MAN1B1: variants seen among roughly 807,000 people sequenced by gnomAD.
MAN1B1 encodes endoplasmic reticulum mannosyl-oligosaccharide 1,2-alpha-mannosidase.
In MAN1B1, 66 loss-of-function variants were observed where a neutral mutation model predicts 75.5. That is an observed-to-expected ratio of 0.87 (90% CI 0.72 to 1.07). The LOEUF is 1.07. Ranked by LOEUF, MAN1B1 falls within the 50% of genes least tolerant of loss-of-function variation. The pLI is 0.00. For missense variants in MAN1B1, 973 were observed against 912.5 expected (o/e 1.07, Z -0.85); for synonymous variants, 453 against 382.8 (o/e 1.18, Z -2.14).
At chr9:137,087,911 G>T (rs1488973050) in intron 1 of MAN1B1, among the ~76,000 whole-genome samples, 164 bp from the exon 2 acceptor site, 3 of 151,824 alleles carry the variant, frequency 2.0e-5, no homozygotes, top group African/African-American at 7.3e-5. Context: ...CTACACTCCA[G>T]CCTAGGTGTA....
In MAN1B1 at chr9:137,108,518, C is replaced by G; in HGVS notation, c.2027C>G (p.Pro676Arg). ...KYLFLLFSDDPNLLSLDAYVF... is the reference protein window; with the variant it reads ...KYLFLLFSDDRNLLSLDAYVF... ...CTGTTCTTGCTCTTCTCCGATGACC[C>G]AAACCTGCTCAGCCTGGATGCCTAC... Residue 676 changes from proline (P) to arginine (R), a missense_variant, in exon 13 of 13, where the codon CCA becomes CGA. Coordinates refer to ENST00000371589, the MANE Select transcript of MAN1B1 (RefSeq NM_016219.5). The G allele has an allele frequency of 2.5e-6, 4 of 1,614,004 alleles. No individual in the cohort carries two copies. The highest frequency in any genetic ancestry group is 2.5e-6 in the Non-Finnish European group (3 of 1,180,024).
At chr9:137,103,527 G>C in intron 8 of MAN1B1, 1 of 450,498 alleles carries the variant, frequency 2.2e-6, no homozygotes, top group East Asian at 7.2e-5. Context: ...GGCCGGTGGT[G>C]TTACATTCAC....
intron 5 of MAN1B1, among the ~76,000 whole-genome samples, chr9:137,098,189 G>A (rs1490598567): frequency 6.6e-6 from 1 of 152,244 alleles, no homozygotes; most frequent in African/African-American, 2.4e-5. Context: ...GGGCCAGGCT[G>A]CCCCACGGGA....
chr9:137,089,134 G>C, intron 3 of MAN1B1, 129 bp downstream of exon 3: 1 of 1,193,578 alleles, frequency 8.4e-7, no homozygotes, highest in South Asian at 1.2e-5. Context: ...TCTCGTTTTG[G>C]ACTGGTCGGA....
intron 3 of MAN1B1, 31 bp from the exon 4 acceptor site, chr9:137,096,206 G>C (rs200805911): frequency 1.9e-6 from 3 of 1,613,910 alleles, no homozygotes; most frequent in Non-Finnish European, 1.7e-6. Flanking sequence ...CAGACACCCC[G>C]TGATTTCCTG....
rs1830613421 is a variant in MAN1B1 at position 137,094,832 on chromosome 9, A to G, written c.466-1405A>G. ...GAGGCAGAGGTTGCAGTGAGCCAAG[A>G]TCACGCCACTGCACTCCTGCCTGGG... On this transcript the variant is annotated intron_variant, in intron 3 of 12. Transcript: ENST00000371589. Among the ~76,000 whole-genome samples the G allele has an allele frequency of 2.6e-5, 4 of 151,590 alleles. No individual in the cohort carries two copies. In the South Asian group the frequency reaches 8.3e-4, roughly 32 times the overall value.
chr9:137,087,956 A>G, intron 1 of MAN1B1, 119 bp from the exon 2 acceptor site: 1 of 876,222 alleles, frequency 1.1e-6, no homozygotes, highest in African/African-American at 1.7e-5. Context: ...AAAAAAAAGA[A>G]ATAGAGCTGA....
chr9:137,094,394 C>T (rs958575281), intron 3 of MAN1B1: 4 of 501,430 alleles, frequency 8.0e-6, no homozygotes, highest in Admixed American at 3.9e-5. Flanking sequence ...ACTGTGGACT[C>T]AATAGCAGGG....
At chr9:137,107,924 G>A (rs559084520) in intron 12 of MAN1B1, 82 of 649,134 alleles carry the variant, frequency 1.3e-4, no homozygotes, top group South Asian at 2.0e-4. Flanking sequence ...CCTGTCTAGG[G>A]AGGGTCTCTG....
At chr9:137,103,293 G>GCT in intron 8 of MAN1B1, 1 of 432,938 alleles carries the variant, frequency 2.3e-6, no homozygotes, top group Admixed American at 2.5e-5. Flanking sequence ...GCAGGTCGGT[G>GCT]GTACATTCAT....
rs61545361 is a variant in MAN1B1, at chr9:137,108,748, C to G, written c.*157C>G. 5.6e-3 allele frequency: 4,222 copies of G among 754,098 alleles called. 123 individuals carry two copies. In the African/African-American group the frequency reaches 0.064, roughly 11 times the overall value. 46.7% of individuals were successfully genotyped at this position (754,098 alleles called of 1,614,324 possible). ...CCTCGTCTCTGCTTTAATCAGGACA[C>G]CGTGAGGACAAGTGAGGCCGTCAGT... On this transcript the variant is annotated 3_prime_UTR_variant, in exon 13 of 13. Coordinates refer to ENST00000371589, the MANE Select transcript of MAN1B1 (RefSeq NM_016219.5).
intron 11 of MAN1B1, 27 bp from the exon 12 acceptor site, chr9:137,107,504 T>G (rs1831157361): frequency 6.2e-7 from 1 of 1,612,882 alleles, no homozygotes; most frequent in South Asian, 1.1e-5. Context: ...AGGGCTGGCC[T>G]TGCCCTGAGC....
intron 3 of MAN1B1, among the ~76,000 whole-genome samples, chr9:137,093,911 T>C (rs1830585802): frequency 6.6e-6 from 1 of 152,168 alleles, no homozygotes; most frequent in South Asian, 2.1e-4. Context: ...TTCCAACCTC[T>C]GTTTTTAAAG....
chr9:137,107,804 G>A lies in MAN1B1; in HGVS notation c.1896+142G>A, dbSNP rs1384297962. On this transcript the variant is annotated intron_variant, in intron 12 of 12. Coordinates refer to ENST00000371589, the MANE Select transcript of MAN1B1 (RefSeq NM_016219.5). ...GCGGGCTTGCCGCAGCCTCGGGGTG[G>A]CCACACTGCAGCTTGGGGGCCCTGG... 8.3e-6 allele frequency: 10 copies of A among 1,201,132 alleles called. No homozygotes were observed. In the South Asian group the frequency reaches 1.3e-4, roughly 16 times the overall value. The allele number at this position is 1,201,132 out of a possible 1,614,324, so 74.4% of individuals were successfully genotyped here. A position where few individuals can be genotyped will look rare whatever the true frequency, so the allele number is the denominator to read the frequency against.
chr9:137,097,019 G>A (rs550810692), intron 4 of MAN1B1, among the ~76,000 whole-genome samples: 28 of 152,368 alleles, frequency 1.8e-4, no homozygotes, highest in African/African-American at 5.0e-4. Context: ...GCTGTCCGCC[G>A]TGAGAGATGG....
intron 3 of MAN1B1, 76 bp from the exon 4 acceptor site, chr9:137,096,161 G>A: frequency 7.9e-6 from 12 of 1,510,270 alleles, no homozygotes; most frequent in Non-Finnish European, 1.1e-5. Context: ...GGCTGCACCT[G>A]AGGGCGTCCC....
chr9:137,101,072 G>A lies in MAN1B1; in HGVS notation c.984G>A (p.Leu328=). The change falls in exon 7 of 13, where the codon CTG becomes CTA. Residue 328 remains leucine (L), a synonymous_variant. Transcript: ENST00000371589. ...TTGAAAAGGACGTGGACGTCAACCTGTTTGAGAGCACGATCCGCATCCTGG... is the reference window on the plus strand; with the variant it reads ...TTGAAAAGGACGTGGACGTCAACCTATTTGAGAGCACGATCCGCATCCTGG... ...LHFEKDVDVN[L]FESTIRILGG... 1 of 1,614,206 alleles carries A rather than the reference G, an allele frequency of 6.2e-7. No individual in the cohort carries two copies. Among genetic ancestry groups the A allele is most frequent in the Non-Finnish European group, 8.5e-7 (1 of 1,180,042 alleles).
chr9:137,089,580 G>A (rs1210888387), intron 3 of MAN1B1, among the ~76,000 whole-genome samples: 3 of 152,344 alleles, frequency 2.0e-5, no homozygotes, highest in East Asian at 3.9e-4. Context: ...CAGTCCAGCT[G>A]TGGTCCTGCA....
At chr9:137,100,964 C>T (rs1418673944) in intron 6 of MAN1B1, 41 bp from the exon 7 acceptor site, 1 of 1,611,788 alleles carries the variant, frequency 6.2e-7, no homozygotes, top group South Asian at 1.1e-5. Context: ...ACGTTGGAGC[C>T]ATCCATTTGT....
Sources: gnomAD v4.1 joint callset for allele counts (sites outside exome capture counted in the v4.1 genomes callset) on GRCh38, gnomAD v4.1.1 for gene constraint, MANE v1.5 for transcripts, NCBI Gene and HGNC (gene_info 2026-07-23, HGNC 2026-07-21) for gene names.